The following GDA variants were observed in gnomAD, a reference collection of about 807,000 sequenced individuals.
GDA encodes guanine deaminase, also known as cytoplasmic PSD-95 interactor.
GDA carries 18 observed loss-of-function variants against 59.6 expected under a neutral mutation model. The ratio of observed to expected loss-of-function variants is 0.30; its 90% confidence interval spans 0.21 to 0.45. The LOEUF (loss-of-function observed/expected upper bound fraction) is 0.45. Ranked by LOEUF, GDA falls within the 20% of genes least tolerant of loss-of-function variation. The pLI, the probability that GDA is intolerant of heterozygous loss-of-function variation, is 1.00. For synonymous variants in GDA, 201 were observed against 201.1 expected, an observed-to-expected ratio of 1.00 and a Z score of 0.00; for missense variants, 427 against 552.3, an observed-to-expected ratio of 0.77 and a Z score of 2.27.
At chr9:72,148,110 G>C (rs1826751777), upstream of GDA, among the ~76,000 whole-genome samples, 1 of 152,128 alleles carries the variant, frequency 6.6e-6, no homozygotes, top group African/African-American at 2.4e-5. Context: ...CAGCAATTCA[G>C]AGAAAAACTG....
chr9:72,195,662 C>T (rs570608844), intron 2 of GDA, 74 bp downstream of exon 2: 1 of 528,058 alleles, frequency 1.9e-6, no homozygotes, highest in Non-Finnish European at 3.5e-6. Context: ...CCTTGAGAGA[C>T]AGAGAGACTT....
At chr9:72,144,860 T>C (rs935970567), upstream of GDA, among the ~76,000 whole-genome samples, 1 of 151,912 alleles carries the variant, frequency 6.6e-6, no homozygotes. Context: ...AAGGAACGCA[T>C]TTATCCCATC....
At chr9:72,179,387 G>A (rs1216208787) in intron 1 of GDA, among the ~76,000 whole-genome samples, 1 of 152,158 alleles carries the variant, frequency 6.6e-6, no homozygotes, top group African/African-American at 2.4e-5. Context: ...TAGAGTTGAA[G>A]GGAGATATGG....
chr9:72,116,626 C>A (rs1825459586), intron 1 of GDA, among the ~76,000 whole-genome samples: 1 of 152,056 alleles, frequency 6.6e-6, no homozygotes, highest in African/African-American at 2.4e-5. Context: ...ACCTCGTGAT[C>A]CACCTGCCTC....
intron 7 of GDA, among the ~76,000 whole-genome samples, chr9:72,223,491 GT>G (rs1837168119): frequency 6.6e-6 from 1 of 152,138 alleles, no homozygotes; most frequent in South Asian, 2.1e-4. Context: ...CAAGAAAATC[GT>G]TTTAAGTAGT....
chr9:72,143,214 C>G (rs1826505542), intron 1 of GDA, among the ~76,000 whole-genome samples: 1 of 150,744 alleles, frequency 6.6e-6, no homozygotes, highest in African/African-American at 2.4e-5. Flanking sequence ...ACTGCAACCT[C>G]CGCCTCCCAG....
intron 1 of GDA, among the ~76,000 whole-genome samples, chr9:72,135,335 T>G (rs535997575): frequency 1.3e-5 from 2 of 152,274 alleles, no homozygotes; most frequent in South Asian, 4.2e-4. Flanking sequence ...TTCTAGCTAC[T>G]ATGCCAAGAA....
intron 1 of GDA, among the ~76,000 whole-genome samples, chr9:72,163,252 G>A (rs1828874253): frequency 6.6e-6 from 1 of 152,110 alleles, no homozygotes. Context: ...AGTTTTTGAA[G>A]TCAAATAAAA....
Position 72,133,299 on chromosome 9 carries a change from A to ATAAT in GDA, c.-100+18466_-100+18467insTAAT, listed in dbSNP as rs1481794431. On this transcript the variant is annotated intron_variant, in intron 1 of 13. Coordinates refer to the GDA transcript ENST00000545168. ...GCAAGACTCTGTCTAAAAAAAAAAA[A>ATAAT]AAAAAAAAAAATAATAATAATAATA... Among the ~76,000 whole-genome samples the ATAAT allele has an allele frequency of 3.2e-4, 25 of 77,820 alleles. No homozygotes were observed. In the East Asian group the frequency reaches 7.5e-3, roughly 23 times the overall value. The allele number at this position is 77,820 out of a possible 152,430, so 51.1% of individuals were successfully genotyped here.
chr9:72,200,636 G>A (rs1833871006), intron 2 of GDA, among the ~76,000 whole-genome samples: 1 of 152,164 alleles, frequency 6.6e-6, no homozygotes, highest in Admixed American at 6.5e-5. Flanking sequence ...ACTGCATGAG[G>A]AAGTTACACT....
chr9:72,249,925 A>G lies in GDA; in HGVS notation c.*1583A>G. 2.1e-6 allele frequency: 2 copies of G among 954,592 alleles called. No individual in the cohort carries two copies. Among genetic ancestry groups the G allele is most frequent in the Non-Finnish European group, 2.5e-6 (2 of 801,878 alleles). The allele number at this position is 954,592 out of a possible 1,614,324, so 59.1% of individuals were successfully genotyped here. ...AGTAATTGGCCCAGTTTTTTCCCTAATAGAAATACTTTTAGATTTGATTAT... is the reference window on the plus strand; with the variant it reads ...AGTAATTGGCCCAGTTTTTTCCCTAGTAGAAATACTTTTAGATTTGATTAT... On this transcript the variant is annotated 3_prime_UTR_variant, in exon 14 of 14. Transcript: ENST00000358399.
At position 72,157,016 on chromosome 9, in the gene GDA, G is replaced by A. The variant is rs115269664; in HGVS notation, c.123+7334G>A. The stretch of plus-strand genomic sequence containing the variant: ...CCCTACCTGGAACTGTCTACTATCA[G>A]ACTTCTAGACTTCCTTTTTTTTTTT... On this transcript the variant is annotated intron_variant, in intron 1 of 13. Coordinates refer to ENST00000358399, the MANE Select transcript of GDA (RefSeq NM_004293.5). Among the ~76,000 whole-genome samples the A allele has an allele frequency of 7.6e-3, 1,088 of 143,516 alleles. 18 individuals carry two copies. Among genetic ancestry groups the A allele is most frequent in the African/African-American group, 0.026 (1,004 of 38,898 alleles). 94.2% of individuals were successfully genotyped at this position (143,516 alleles called of 152,430 possible). A position where few individuals can be genotyped will look rare whatever the true frequency, so the allele number is the denominator to read the frequency against.
intron 9 of GDA, among the ~76,000 whole-genome samples, chr9:72,230,446 G>T (rs142295668): frequency 0.012 from 1,760 of 151,030 alleles, 42 homozygotes; most frequent in African/African-American, 0.041. Context: ...AGCTGAGATT[G>T]TGCCATTGTA....
chr9:72,212,259 G>T (rs1239745501), intron 4 of GDA, among the ~76,000 whole-genome samples: 1 of 151,882 alleles, frequency 6.6e-6, no homozygotes, highest in Non-Finnish European at 1.5e-5. Flanking sequence ...GAGGCGGGCG[G>T]ATCATGAGGT....
upstream of GDA, among the ~76,000 whole-genome samples, chr9:72,147,616 A>ATT (rs5898249): frequency 9.7e-4 from 145 of 148,952 alleles, no homozygotes; most frequent in Middle Eastern, 3.5e-3. Context: ...ACTAGTCTCT[A>ATT]TTTTTTTTTT....
At chr9:72,190,726 T>G (rs1434121718) in intron 1 of GDA, among the ~76,000 whole-genome samples, 1 of 152,202 alleles carries the variant, frequency 6.6e-6, no homozygotes, top group Non-Finnish European at 1.5e-5. Flanking sequence ...AATATATTTT[T>G]ATACTTGAAA....
At chr9:72,171,061 C>T (rs1158948155) in intron 1 of GDA, among the ~76,000 whole-genome samples, 1 of 152,200 alleles carries the variant, frequency 6.6e-6, no homozygotes, top group Admixed American at 6.5e-5. Context: ...TGGCAGTCCT[C>T]CCGCTTCAGC....
At chr9:72,142,834 T>C (rs1826489952) in intron 1 of GDA, among the ~76,000 whole-genome samples, 1 of 151,754 alleles carries the variant, frequency 6.6e-6, no homozygotes, top group Non-Finnish European at 1.5e-5. Context: ...AATGGCGCGA[T>C]CTTGGCTCAC....
intron 1 of GDA, among the ~76,000 whole-genome samples, chr9:72,154,856 G>A (rs2130774402): frequency 6.6e-6 from 1 of 152,318 alleles, no homozygotes; most frequent in South Asian, 2.1e-4. Context: ...GCTAAGACTT[G>A]TAGCTGTAAT....
Sources: gnomAD v4.1 joint callset for allele counts (sites outside exome capture counted in the v4.1 genomes callset) on GRCh38, gnomAD v4.1.1 for gene constraint, MANE v1.5 for transcripts, NCBI Gene and HGNC (gene_info 2026-07-23, HGNC 2026-07-21) for gene names.